Variants in LHFPL6 observed in about 807,000 individuals in gnomAD.
LHFPL6 encodes LHFPL tetraspan subfamily member 6.
Under a neutral mutation model 20.6 loss-of-function variants are expected in LHFPL6, and 9 were observed. The ratio of observed to expected loss-of-function variants is 0.44; its 90% CI spans 0.26 to 0.76. LHFPL6 has a LOEUF of 0.76. LHFPL6 is among the 30% of genes least tolerant of loss of function. The probability of loss-of-function intolerance (pLI) is 0.20; values close to 1 mark genes in which losing one functional copy is unlikely to be tolerated. For synonymous variants in LHFPL6, 105 were observed against 98.7 expected (o/e 1.06, Z -0.38); for missense variants, 218 against 253.5 (o/e 0.86, Z 0.95).
intron 2 of LHFPL6, among the ~76,000 whole-genome samples, chr13:39,562,083 T>TACAATATG (rs1308216102): frequency 6.6e-6 from 1 of 152,180 alleles, no homozygotes; most frequent in Non-Finnish European, 1.5e-5. Context: ...CAATAACTCC[T>TACAATATG]ACAATATGCA....
intron 2 of LHFPL6, among the ~76,000 whole-genome samples, chr13:39,513,262 G>A (rs1206454825): frequency 2.0e-5 from 3 of 152,170 alleles, no homozygotes; most frequent in African/African-American, 7.2e-5. Context: ...TGAATAAGAA[G>A]GGCATGGCCC....
At chr13:39,541,279 G>A (rs1870788786) in intron 2 of LHFPL6, among the ~76,000 whole-genome samples, 1 of 152,272 alleles carries the variant, frequency 6.6e-6, no homozygotes, top group Admixed American at 6.5e-5. Context: ...GACATAGTTT[G>A]AACACCAATG....
At chr13:39,416,364 TA>T (rs36120111) in intron 2 of LHFPL6, among the ~76,000 whole-genome samples, 54 of 147,352 alleles carry the variant, frequency 3.7e-4, no homozygotes, top group African/African-American at 4.7e-4. Context: ...CTTAATATGT[TA>T]AAAAAAAAAA....
intron 2 of LHFPL6, among the ~76,000 whole-genome samples, chr13:39,593,536 T>A (rs1466096084): frequency 6.6e-6 from 1 of 151,854 alleles, no homozygotes; most frequent in East Asian, 1.9e-4. Context: ...ATGGCCATAC[T>A]GCCCAAGGTA....
At chr13:39,498,800 A>T (rs148377103) in intron 2 of LHFPL6, among the ~76,000 whole-genome samples, 1 of 152,308 alleles carries the variant, frequency 6.6e-6, no homozygotes, top group Non-Finnish European at 1.5e-5. Context: ...TGGATCTCCC[A>T]CCAGCAACTA....
intron 2 of LHFPL6, among the ~76,000 whole-genome samples, chr13:39,427,085 G>A (rs113907426): frequency 0.018 from 2,668 of 148,354 alleles, 36 homozygotes; most frequent in Middle Eastern, 0.033. Flanking sequence ...TGCCCTATAT[G>A]TGCTTGTTGA....
chr13:39,432,067 G>A (rs547735043), intron 2 of LHFPL6, among the ~76,000 whole-genome samples: 2 of 152,142 alleles, frequency 1.3e-5, no homozygotes, highest in Admixed American at 6.5e-5. Context: ...CCCAGCTTGG[G>A]TCCCTTTTAC....
At chr13:39,569,997 T>A (rs9548828) in intron 2 of LHFPL6, among the ~76,000 whole-genome samples, 73,764 of 152,008 alleles carry the variant, frequency 0.49, 18,550 homozygotes, top group South Asian at 0.57. Context: ...ATTCTTACAT[T>A]CTTTTCACTT....
At chr13:39,403,972 C>G (rs1205623992) in intron 2 of LHFPL6, among the ~76,000 whole-genome samples, 1 of 152,168 alleles carries the variant, frequency 6.6e-6, no homozygotes, top group East Asian at 1.9e-4. Context: ...GGCCTGGAAT[C>G]ATGCCTGATA....
chr13:39,593,963 A>G (rs1232949954), intron 2 of LHFPL6, among the ~76,000 whole-genome samples: 4 of 152,322 alleles, frequency 2.6e-5, no homozygotes, highest in Admixed American at 6.5e-5. Flanking sequence ...ACAAAAATCA[A>G]TTCAAGATGG....
intron 2 of LHFPL6, among the ~76,000 whole-genome samples, chr13:39,584,486 T>C (rs1181829206): frequency 1.3e-5 from 2 of 148,614 alleles, no homozygotes; most frequent in African/African-American, 2.5e-5. Context: ...GAGAGCGCCA[T>C]TGCACTCCAG....
chr13:39,527,250 T>A (rs1460932215), intron 2 of LHFPL6, among the ~76,000 whole-genome samples: 1 of 152,234 alleles, frequency 6.6e-6, no homozygotes, highest in Non-Finnish European at 1.5e-5. Context: ...CTTTTTTTCC[T>A]TAGCTGGTCC....
chr13:39,406,392 T>C (rs1871112765), intron 2 of LHFPL6, among the ~76,000 whole-genome samples: 2 of 152,216 alleles, frequency 1.3e-5, no homozygotes, highest in Non-Finnish European at 2.9e-5. Flanking sequence ...CAATTGCTTT[T>C]AGGGAATCTT....
At chr13:39,363,518 T>C (rs548390162) in intron 3 of LHFPL6, among the ~76,000 whole-genome samples, 17 of 152,244 alleles carry the variant, frequency 1.1e-4, no homozygotes, top group African/African-American at 3.9e-4. Context: ...TAAAATTTTA[T>C]TTACAAAAAC....
At chr13:39,401,777 C>T (rs1870996409) in intron 2 of LHFPL6, among the ~76,000 whole-genome samples, 1 of 152,142 alleles carries the variant, frequency 6.6e-6, no homozygotes, top group South Asian at 2.1e-4. Context: ...GGACTCAAGA[C>T]TTTTATATAT....
chr13:39,551,276 TG>T lies in LHFPL6; in HGVS notation c.385+49555del, dbSNP rs1490132929. On this transcript the variant is annotated intron_variant, in intron 2 of 3. Coordinates refer to ENST00000379589, the MANE Select transcript of LHFPL6 (RefSeq NM_005780.3). ...TAAGCATCATCCCATGGGGGACTGGTGGGTGGCAGAAGTGAGTGAGACAGGG... is the reference window on the plus strand; with the variant it reads ...TAAGCATCATCCCATGGGGGACTGGTGGTGGCAGAAGTGAGTGAGACAGGG... Among the ~76,000 whole-genome samples, 3 of 152,132 alleles carry T rather than the reference TG, an allele frequency of 2.0e-5. No individual in the cohort carries two copies. The East Asian group carries it at 5.8e-4, about 29-fold the overall frequency.
chr13:39,463,085 A>G (rs1872724720), intron 2 of LHFPL6, among the ~76,000 whole-genome samples: 1 of 152,212 alleles, frequency 6.6e-6, no homozygotes. Context: ...TCTCTGGCAG[A>G]GACAGGAAAT....
At chr13:39,519,891 A>G (rs1357990289) in intron 2 of LHFPL6, among the ~76,000 whole-genome samples, 2 of 152,218 alleles carry the variant, frequency 1.3e-5, no homozygotes, top group Non-Finnish European at 1.5e-5. Flanking sequence ...AATCTTTAAC[A>G]TTCAAGCCAC....
intron 2 of LHFPL6, among the ~76,000 whole-genome samples, chr13:39,542,301 G>A (rs1212844124): frequency 6.6e-6 from 1 of 151,902 alleles, no homozygotes; most frequent in East Asian, 1.9e-4. Context: ...AAAAAATTGT[G>A]GAAGAAATGA....
Sources: gnomAD v4.1 joint callset for allele counts (sites outside exome capture counted in the v4.1 genomes callset) on GRCh38, gnomAD v4.1.1 for gene constraint, MANE v1.5 for transcripts, NCBI Gene and HGNC (gene_info 2026-07-23, HGNC 2026-07-21) for gene names.